STAT1: variants seen among roughly 807,000 people sequenced by gnomAD.
STAT1 encodes the protein signal transducer and activator of transcription 1-alpha/beta.
Under a neutral mutation model 111.7 loss-of-function variants are expected in STAT1, and 24 were observed. The ratio of observed to expected loss-of-function variants is 0.21; its 90% CI spans 0.16 to 0.30. The LOEUF is 0.30. STAT1 is among the 10% of genes least tolerant of loss of function. The pLI is 1.00. For synonymous variants in STAT1, 332 were observed against 326.5 expected, an observed-to-expected ratio of 1.02 and a Z score of -0.18; for missense variants, 351 against 911.9, an observed-to-expected ratio of 0.38 and a Z score of 7.92.
At position 190,978,601 on chromosome 2, in the gene STAT1, AC is replaced by A. The variant is rs1692093517; in HGVS notation, c.1873+254del. 1.8e-6 allele frequency: 1 copy of A among 543,888 alleles called. No individual in the cohort carries two copies. The allele number at this position is 543,888 out of a possible 1,614,324, so 33.7% of individuals were successfully genotyped here. A position where few individuals can be genotyped will look rare whatever the true frequency, so the allele number is the denominator to read the frequency against. ...GACTCACATCCTTGATCTGCAGATAACAAACCTGATGCAAAGGAAAGAATTG... is the reference window on the plus strand; with the variant it reads ...GACTCACATCCTTGATCTGCAGATAAAAACCTGATGCAAAGGAAAGAATTG... On this transcript the variant is annotated intron_variant, in intron 21 of 24. Transcript: ENST00000361099. This position sits in a 1 kb window ranked among gnomAD's most constrained non-coding sequence, Gnocchi z 6.1.
Position 190,995,024 on chromosome 2 carries a change from GA to G in STAT1, c.944+36del. On this transcript the variant is annotated intron_variant, in intron 10 of 24. Transcript: ENST00000361099. This position sits in a 1 kb window ranked among gnomAD's most constrained non-coding sequence, Gnocchi z 4.2. ...GGTAAAATGTTCCTCTGTATAGACCGATTACAGAAGGTACAAATAAATGTCC... is the reference window on the plus strand; with the variant it reads ...GGTAAAATGTTCCTCTGTATAGACCGTTACAGAAGGTACAAATAAATGTCC... 2 of 1,599,082 alleles carry G rather than the reference GA, an allele frequency of 1.3e-6. No homozygotes were observed. Among genetic ancestry groups the G allele is most frequent in the South Asian group, 2.2e-5 (2 of 90,770 alleles).
In STAT1 at chr2:191,007,490, G is replaced by A; in HGVS notation, c.372+73C>T. 1 of 1,090,108 alleles carries A rather than the reference G, an allele frequency of 9.2e-7. No homozygotes were observed. Among genetic ancestry groups the A allele is most frequent in the Non-Finnish European group, 1.4e-6 (1 of 712,624 alleles). 67.5% of individuals were successfully genotyped at this position (1,090,108 alleles called of 1,614,324 possible). A position where few individuals can be genotyped will look rare whatever the true frequency, so the allele number is the denominator to read the frequency against. ...GATATTCATCATTGCTTTGACATGGGCCCTAATAGTATTTGATGAATGAAT... is the reference window on the plus strand; with the variant it reads ...GATATTCATCATTGCTTTGACATGGACCCTAATAGTATTTGATGAATGAAT... On this transcript the variant is annotated intron_variant, in intron 5 of 24. Coordinates refer to ENST00000361099, the MANE Select transcript of STAT1 (RefSeq NM_007315.4). The surrounding 1 kb of genome is among the most constrained non-coding windows in gnomAD (Gnocchi z 4.2).
chr2:191,006,961 CCT>C lies in STAT1; in HGVS notation c.372+600_372+601del, dbSNP rs1694748574. ...TCCTACAAAACTCCTGCCCCTGCCC[CCT>C]CCTTGCCTTCCCAGCTCCGTGTACA... On this transcript the variant is annotated intron_variant, in intron 5 of 24. Transcript: ENST00000361099. The surrounding 1 kb of genome is among the most constrained non-coding windows in gnomAD (Gnocchi z 4.6). 6.6e-6 allele frequency among the ~76,000 whole-genome samples: 1 copy of C among 152,166 alleles called. No individual in the cohort carries two copies. Among genetic ancestry groups the C allele is most frequent in the Admixed American group, 6.5e-5 (1 of 15,280 alleles).
rs1253097848 is a variant in STAT1, at chr2:191,003,603, A to G, written c.373-2440T>C. On this transcript the variant is annotated intron_variant, in intron 5 of 24. Coordinates refer to ENST00000361099, the MANE Select transcript of STAT1 (RefSeq NM_007315.4). The surrounding 1 kb of genome is among the most constrained non-coding windows in gnomAD (Gnocchi z 4.0). ...TGCTTCCTCCTGCTCTGGCCATGTG[A>G]TATGTGTGCTTCCCCTTCACCTGCT... is the stretch of plus-strand genomic sequence containing the variant. 2.0e-5 allele frequency among the ~76,000 whole-genome samples: 3 copies of G among 152,078 alleles called. No individual in the cohort carries two copies. The highest frequency in any genetic ancestry group is 7.2e-5 in the African/African-American group (3 of 41,398).
At chr2:191,008,215 T>C (rs1694852952) in intron 4 of STAT1, among the ~76,000 whole-genome samples, 1 of 148,104 alleles carries the variant, frequency 6.8e-6, no homozygotes, top group Non-Finnish European at 1.5e-5. Flanking sequence ...CACTCGTAAA[T>C]AAAATCATAA....
rs938403650 is a variant in STAT1, at chr2:190,970,582, G to A, written c.*121C>T. On this transcript the variant is annotated 3_prime_UTR_variant, in exon 25 of 25. Transcript: ENST00000361099. This position sits in a 1 kb window ranked among gnomAD's most constrained non-coding sequence, Gnocchi z 5.4. The stretch of plus-strand genomic sequence containing the variant: ...TCACTTGCTATCAACAGGTTGCAGC[G>A]AATTTGCTGGCCTTTCTTTCATTTC... 78 of 1,154,090 alleles carry A rather than the reference G, an allele frequency of 6.8e-5. No homozygotes were observed. In the African/African-American group the frequency reaches 7.3e-4, roughly 11 times the overall value. 71.5% of individuals were successfully genotyped at this position (1,154,090 alleles called of 1,614,324 possible).
At chr2:190,994,612 A>G (rs1162646176) in intron 10 of STAT1, among the ~76,000 whole-genome samples, 1 of 152,066 alleles carries the variant, frequency 6.6e-6, no homozygotes, top group Non-Finnish European at 1.5e-5. Context: ...ATAATTCAGG[A>G]AGAGTCATTG....
chr2:190,990,163 G>A lies in STAT1; in HGVS notation c.1038-489C>T, dbSNP rs542686012. Among the ~76,000 whole-genome samples, 1 of 152,306 alleles carries A rather than the reference G, an allele frequency of 6.6e-6. No homozygotes were observed. The highest frequency in any genetic ancestry group is 2.1e-4 in the South Asian group (1 of 4,824). On this transcript the variant is annotated intron_variant, in intron 11 of 24. Coordinates refer to ENST00000361099, the MANE Select transcript of STAT1 (RefSeq NM_007315.4). The surrounding 1 kb of genome is among the most constrained non-coding windows in gnomAD (Gnocchi z 5.1). ...CCAGGGTAGCATGGAAAGATGGAGGGCAGGTGAGAGGGTGTACCTCTGCTC... is the reference window on the plus strand; with the variant it reads ...CCAGGGTAGCATGGAAAGATGGAGGACAGGTGAGAGGGTGTACCTCTGCTC...
rs944202913 is a variant in STAT1 at position 190,993,724 on chromosome 2, G to C, written c.944+1337C>G. Among the ~76,000 whole-genome samples, 4 of 151,934 alleles carry C rather than the reference G, an allele frequency of 2.6e-5. No homozygotes were observed. Among genetic ancestry groups the C allele is most frequent in the Non-Finnish European group, 5.9e-5 (4 of 67,978 alleles). On this transcript the variant is annotated intron_variant, in intron 10 of 24. Coordinates refer to ENST00000361099, the MANE Select transcript of STAT1 (RefSeq NM_007315.4). The surrounding 1 kb of genome is among the most constrained non-coding windows in gnomAD (Gnocchi z 4.1). ...TCTGCCCCCTGGAACGCAATCAGCA[G>C]CCGCTGCCACTCAGCTATTGCTTCC...
Position 190,987,436 on chromosome 2 carries a change from G to A in STAT1, c.1098-368C>T, listed in dbSNP as rs559827756. Among the ~76,000 whole-genome samples, 82 of 152,304 alleles carry A rather than the reference G, an allele frequency of 5.4e-4. 1 individual carries two copies. Among genetic ancestry groups the A allele is most frequent in the Admixed American group, 1.6e-3 (24 of 15,298 alleles). On this transcript the variant is annotated intron_variant, in intron 12 of 24. Coordinates refer to ENST00000361099, the MANE Select transcript of STAT1 (RefSeq NM_007315.4). This position sits in a 1 kb window ranked among gnomAD's most constrained non-coding sequence, Gnocchi z 4.0. ...ACCCTCAATAAATGTTTAAGCTATC[G>A]TTATTGTTTATTGAGCAGCTACTTG...
Position 190,978,466 on chromosome 2 carries a change from C to T in STAT1, c.1873+390G>A, listed in dbSNP as rs901699254. On this transcript the variant is annotated intron_variant, in intron 21 of 24. Transcript: ENST00000361099. The surrounding 1 kb of genome is among the most constrained non-coding windows in gnomAD (Gnocchi z 6.1). ...TGATGATGTGTATGAAGTCTTCTCCCGAAGCCTGTCTCATCTGCACACTCT... is the reference window on the plus strand; with the variant it reads ...TGATGATGTGTATGAAGTCTTCTCCTGAAGCCTGTCTCATCTGCACACTCT... The T allele has an allele frequency of 5.6e-5, 17 of 306,050 alleles. No individual in the cohort carries two copies. Among genetic ancestry groups the T allele is most frequent in the South Asian group, 2.4e-4 (8 of 32,862 alleles). The allele number at this position is 306,050 out of a possible 1,614,324, so 19.0% of individuals were successfully genotyped here.
At position 190,991,263 on chromosome 2, in the gene STAT1, G is replaced by A; in HGVS notation, c.1002C>T (p.Val334=). Residue 334 remains valine, a synonymous_variant, in exon 11 of 25, where the codon GTC becomes GTT. Transcript: ENST00000361099. ...CMPTHPQRPL[V]LKTGVQFTVK... is the part of the protein sequence containing the mutation. ...CAGTGAACTGGACCCCTGTCTTCAA[G>A]ACCAGCGGCCTCTGAGGGTGCGTTG... 6.2e-7 allele frequency: 1 copy of A among 1,613,982 alleles called. No homozygotes were observed. The highest frequency in any genetic ancestry group is 8.5e-7 in the Non-Finnish European group (1 of 1,180,014).
rs1694056717 is a variant in STAT1, at chr2:190,998,936, C to G, written c.542-628G>C. Among the ~76,000 whole-genome samples the G allele has an allele frequency of 6.6e-6, 1 of 152,078 alleles. No homozygotes were observed. The highest frequency in any genetic ancestry group is 1.5e-5 in the Non-Finnish European group (1 of 68,016). On this transcript the variant is annotated intron_variant, in intron 7 of 24. Coordinates refer to ENST00000361099, the MANE Select transcript of STAT1 (RefSeq NM_007315.4). The surrounding 1 kb of genome is among the most constrained non-coding windows in gnomAD (Gnocchi z 4.1). ...GAGTAGGAAGTGGTAGTTGAAGTTG[C>G]TGTCTCTTATACTTTCTACCCAAAT...
intron 15 of STAT1, among the ~76,000 whole-genome samples, chr2:190,985,004 C>T (rs947927483): frequency 6.6e-6 from 1 of 152,224 alleles, no homozygotes; most frequent in Non-Finnish European, 1.5e-5. Flanking sequence ...TGTGTTTGTC[C>T]CGCTGCTCCA....
rs1311321881 is a variant in STAT1 at position 190,969,246 on chromosome 2, CTG to C, written c.*1455_*1456del. ...TAGGTTCTCGCCATCTATATAAAAACTGAGAGAGGAGGCCTCAGATTGTATGC... is the reference window on the plus strand; with the variant it reads ...TAGGTTCTCGCCATCTATATAAAAACAGAGAGGAGGCCTCAGATTGTATGC... On this transcript the variant is annotated 3_prime_UTR_variant, in exon 25 of 25. Transcript: ENST00000361099. 5.3e-5 allele frequency: 8 copies of C among 152,238 alleles called. No homozygotes were observed. The highest frequency in any genetic ancestry group is 4.1e-4 in the South Asian group (2 of 4,824). The allele number at this position is 152,238 out of a possible 1,614,324, so 9.4% of individuals were successfully genotyped here. A position where few individuals can be genotyped will look rare whatever the true frequency, so the allele number is the denominator to read the frequency against.
chr2:190,973,582 CAT>C lies in STAT1; in HGVS notation c.2238+1246_2238+1247del, dbSNP rs1691667259. ...CCATTTTACAGTTCCTGTGATGTAA[CAT>C]ATTTTCTGAATAGGGCTTTATATTT... On this transcript the variant is annotated intron_variant, in intron 24 of 24. Coordinates refer to ENST00000361099, the MANE Select transcript of STAT1 (RefSeq NM_007315.4). The surrounding 1 kb of genome is among the most constrained non-coding windows in gnomAD (Gnocchi z 4.4). Among the ~76,000 whole-genome samples the C allele has an allele frequency of 6.6e-6, 1 of 152,148 alleles. No individual in the cohort carries two copies. The highest frequency in any genetic ancestry group is 1.5e-5 in the Non-Finnish European group (1 of 68,012).
rs750306357 is a variant in STAT1, at chr2:190,995,261, C to T, written c.786-42G>A. ...CACAGATGTCTCTATGAGAAACAGT[C>T]CAGAAGCAGCCTGGATTAAAGGGAA... On this transcript the variant is annotated intron_variant, in intron 9 of 24. Coordinates refer to ENST00000361099, the MANE Select transcript of STAT1 (RefSeq NM_007315.4). This position sits in a 1 kb window ranked among gnomAD's most constrained non-coding sequence, Gnocchi z 4.2. 2.6e-5 allele frequency: 41 copies of T among 1,596,794 alleles called. No homozygotes were observed. Among genetic ancestry groups the T allele is most frequent in the Middle Eastern group, 1.7e-4 (1 of 6,060 alleles).
intron 11 of STAT1, 146 bp downstream of exon 11, chr2:190,991,082 G>A: frequency 2.8e-6 from 2 of 703,592 alleles, no homozygotes; most frequent in South Asian, 1.5e-5. Flanking sequence ...AAGACTCTCA[G>A]ATATTCTCAG....
rs1693158048 is a variant in STAT1 at position 190,989,552 on chromosome 2, TTGAG to T, written c.1097+59_1097+62del. 8.2e-6 allele frequency: 9 copies of T among 1,096,746 alleles called. No individual in the cohort carries two copies. In the South Asian group the frequency reaches 8.4e-5, roughly 10 times the overall value. The allele number at this position is 1,096,746 out of a possible 1,614,324, so 67.9% of individuals were successfully genotyped here. The stretch of plus-strand genomic sequence containing the variant: ...GCTTATTTAGTGGAGGAATCTGTGC[TTGAG>T]TAACAAAATCAACATTTCAATAGTA... On this transcript the variant is annotated intron_variant, in intron 12 of 24. Transcript: ENST00000361099. This position sits in a 1 kb window ranked among gnomAD's most constrained non-coding sequence, Gnocchi z 5.0.
Sources: gnomAD v4.1 joint callset for allele counts (sites outside exome capture counted in the v4.1 genomes callset) on GRCh38, gnomAD v4.1.1 for gene constraint, Gnocchi (gnomAD v3.1) non-coding constraint, MANE v1.5 for transcripts, NCBI Gene and HGNC (gene_info 2026-07-23, HGNC 2026-07-21) for gene names.